AMBRA1: variants seen among roughly 807,000 people sequenced by gnomAD.
AMBRA1 encodes the protein activating molecule in BECN1-regulated autophagy protein 1.
A neutral mutation model predicts 125.4 loss-of-function variants in AMBRA1; 47 were observed. The ratio of observed to expected loss-of-function variants is 0.37; its 90% CI spans 0.30 to 0.48. The LOEUF (loss-of-function observed/expected upper bound fraction) is 0.48. Among genes scored for constraint, AMBRA1 ranks in the 20% least tolerant of loss-of-function variants. AMBRA1 has a pLI of 0.99. For missense variants in AMBRA1, 1,331 were observed against 1,693.4 expected, an observed-to-expected ratio of 0.79 and a Z score of 3.76; for synonymous variants, 626 against 655.5, an observed-to-expected ratio of 0.95 and a Z score of 0.69.
At chr11:46,565,850 G>GCAC (rs1397285292) in intron 1 of AMBRA1, among the ~76,000 whole-genome samples, 1 of 151,794 alleles carries the variant, frequency 6.6e-6, no homozygotes, top group Non-Finnish European at 1.5e-5. Context: ...TTTGCTCACT[G>GCAC]CACCCTCCAC....
chr11:46,459,067 T>C (rs901165582), intron 11 of AMBRA1, among the ~76,000 whole-genome samples: 6 of 152,186 alleles, frequency 3.9e-5, no homozygotes, highest in East Asian at 1.9e-4. Context: ...GGGAAGAAAA[T>C]AGGTGACCAA....
intron 12 of AMBRA1, among the ~76,000 whole-genome samples, chr11:46,438,158 T>C (rs1947818814): frequency 6.6e-6 from 1 of 152,182 alleles, no homozygotes; most frequent in Admixed American, 6.5e-5. Flanking sequence ...ATGGGGTATT[T>C]AGCTGGGCAG....
intron 11 of AMBRA1, among the ~76,000 whole-genome samples, chr11:46,469,986 T>G (rs1949511882): frequency 6.6e-6 from 1 of 152,114 alleles, no homozygotes; most frequent in Non-Finnish European, 1.5e-5. Flanking sequence ...CCTATTTCAT[T>G]TTAAAAATTT....
At position 46,553,988 on chromosome 11, in the gene AMBRA1, T is replaced by C. The variant is rs143526215; in HGVS notation, c.-120-5488A>G. Among the ~76,000 whole-genome samples, 78 of 152,280 alleles carry C rather than the reference T, an allele frequency of 5.1e-4. 1 individual carries two copies. The East Asian group carries it at 0.012, about 23-fold the overall frequency. On this transcript the variant is annotated intron_variant, in intron 1 of 17. Transcript: ENST00000683756. ...TCTCCTTAGTAACCCTGACAACTCA[T>C]AGATTAGGATCAGAAATCTAGACCT...
At chr11:46,440,180 C>A (rs1370188913) in intron 12 of AMBRA1, among the ~76,000 whole-genome samples, 2 of 152,008 alleles carry the variant, frequency 1.3e-5, no homozygotes, top group African/African-American at 4.8e-5. Context: ...TGAAAATGAC[C>A]TAAAGGTCCT....
At chr11:46,589,889 T>A (rs778700671) in intron 1 of AMBRA1, among the ~76,000 whole-genome samples, 44 of 151,682 alleles carry the variant, frequency 2.9e-4, no homozygotes, top group Admixed American at 2.0e-3. Flanking sequence ...CCCAAAGTGC[T>A]GGGATTACAG....
chr11:46,423,757 AT>A (rs538298573), intron 14 of AMBRA1, among the ~76,000 whole-genome samples: 5,595 of 98,868 alleles, frequency 0.057, 242 homozygotes, highest in African/African-American at 0.22. Flanking sequence ...CAGTGCACCC[AT>A]TTTTTTTTTT....
At chr11:46,503,719 A>C (rs1291756390) in intron 9 of AMBRA1, among the ~76,000 whole-genome samples, 2 of 152,250 alleles carry the variant, frequency 1.3e-5, no homozygotes, top group African/African-American at 2.4e-5. Flanking sequence ...TAGAATAGTT[A>C]AGAAAATAAA....
intron 2 of AMBRA1, 81 bp downstream of exon 2, chr11:46,548,163 ACT>A (rs1275109380): frequency 3.8e-6 from 6 of 1,573,710 alleles, no homozygotes; most frequent in South Asian, 2.3e-5. Flanking sequence ...ATATATCCCA[ACT>A]CTCTGCTGTT....
Position 46,418,008 on chromosome 11 carries a change from T to A in AMBRA1, c.3021A>T (p.Arg1007Ser). 6.2e-7 allele frequency: 1 copy of A among 1,607,180 alleles called. No homozygotes were observed. Among genetic ancestry groups the A allele is most frequent in the Non-Finnish European group, 8.5e-7 (1 of 1,175,382 alleles). ...VLYPMPADQR[R>S]HVSINSARWL... The stretch of plus-strand genomic sequence containing the variant: ...AACGGGCAGAGTTGATACTGACATG[T>A]CTCCGCTGGTCGGCAGGCATGGGAT... Residue 1007 changes from arginine to serine, a missense_variant, in exon 15 of 18, where the codon AGA becomes AGT. Physicochemically the swap from Arg to Ser is moderately radical, Grantham distance 110. This residue lies in a region of AMBRA1 where 354 missense variants were observed against 532.7 expected (regional missense o/e 0.66). Transcript: ENST00000683756.
At chr11:46,462,043 G>A (rs1037566805) in intron 11 of AMBRA1, among the ~76,000 whole-genome samples, 1 of 152,132 alleles carries the variant, frequency 6.6e-6, no homozygotes, top group African/African-American at 2.4e-5. Flanking sequence ...TAATTTTAAT[G>A]TCAGGTTAGA....
intron 3 of AMBRA1, 120 bp from the exon 4 acceptor site, chr11:46,547,416 G>A (rs1042740529): frequency 1.1e-6 from 1 of 876,520 alleles, no homozygotes; most frequent in East Asian, 2.6e-5. Flanking sequence ...AAGAAACTAA[G>A]CTTTGTATGT....
At position 46,542,928 on chromosome 11, in the gene AMBRA1, G is replaced by T; in HGVS notation, c.1089C>A (p.Gly363=). ...EQASSTQQDQ[G]LLNRPSAFST... Reference sequence around the variant, plus strand: ...TGAAGGCAGACGGCCGGTTCAGGAGGCCCTGGTCCTGCTGCGTTGACGAGG... The same window carrying T: ...TGAAGGCAGACGGCCGGTTCAGGAGTCCCTGGTCCTGCTGCGTTGACGAGG... Residue 363 remains glycine, a synonymous_variant, in exon 7 of 18, where the codon GGC becomes GGA. Transcript: ENST00000683756. The surrounding 1 kb of genome is among the most constrained non-coding windows in gnomAD (Gnocchi z 5.9). 6.2e-7 allele frequency: 1 copy of T among 1,610,854 alleles called. No homozygotes were observed.
chr11:46,513,456 G>A (rs1214041822), intron 7 of AMBRA1, among the ~76,000 whole-genome samples: 1 of 151,588 alleles, frequency 6.6e-6, no homozygotes, highest in African/African-American at 2.4e-5. Flanking sequence ...CACTTTTTTT[G>A]ATGCCAGGTA....
At chr11:46,525,250 G>C (rs892894485) in intron 7 of AMBRA1, among the ~76,000 whole-genome samples, 1 of 152,158 alleles carries the variant, frequency 6.6e-6, no homozygotes, top group Non-Finnish European at 1.5e-5. Context: ...GCAGTGAGCT[G>C]AGATCATACC....
At chr11:46,579,913 A>T (rs1382160393) in intron 1 of AMBRA1, among the ~76,000 whole-genome samples, 2 of 152,134 alleles carry the variant, frequency 1.3e-5, no homozygotes, top group African/African-American at 4.8e-5. Flanking sequence ...GGGTTTTGCC[A>T]TGTTGGCCAG....
intron 1 of AMBRA1, among the ~76,000 whole-genome samples, chr11:46,566,417 C>G (rs555043274): frequency 2.8e-5 from 4 of 144,140 alleles, no homozygotes; most frequent in African/African-American, 1.0e-4. Context: ...GACTACATCT[C>G]AAGAAAAAAA....
At chr11:46,573,678 T>C (rs1180572226) in intron 1 of AMBRA1, among the ~76,000 whole-genome samples, 1 of 149,840 alleles carries the variant, frequency 6.7e-6, no homozygotes, top group African/African-American at 2.4e-5. Flanking sequence ...TTTTTTTTTT[T>C]ATTATACTTT....
chr11:46,547,279 G>A lies in AMBRA1; in HGVS notation c.212C>T (p.Thr71Ile). The A allele has an allele frequency of 1.2e-6, 2 of 1,611,732 alleles. No homozygotes were observed. The highest frequency in any genetic ancestry group is 1.7e-6 in the Non-Finnish European group (2 of 1,179,224). The stretch of plus-strand genomic sequence containing the variant: ...AATATAGATATTATGGTTCACATGG[G>A]TGGAGGCTAAGAGAGTCCTAGAAAA... ...FSPDRTLLASTHVNHNIYITE... is the reference protein window; with the variant it reads ...FSPDRTLLASIHVNHNIYITE... The change falls in exon 4 of 18, where the codon ACC becomes ATC. Residue 71 changes from threonine (T) to isoleucine (I), a missense_variant. Coordinates refer to ENST00000683756, the MANE Select transcript of AMBRA1 (RefSeq NM_001387011.1).
Sources: gnomAD v4.1 joint callset for allele counts (sites outside exome capture counted in the v4.1 genomes callset) on GRCh38, gnomAD v4.1.1 for gene constraint, gnomAD v4.1.1 regional missense constraint, Gnocchi (gnomAD v3.1) non-coding constraint, MANE v1.5 for transcripts, NCBI Gene and HGNC (gene_info 2026-07-23, HGNC 2026-07-21) for gene names.